ARHGAP17: variants seen among roughly 807,000 people sequenced by gnomAD.
ARHGAP17 encodes the protein rho GTPase-activating protein 17.
A neutral mutation model predicts 99.5 loss-of-function variants in ARHGAP17; 57 were observed. The observed-to-expected ratio is 0.57, with a 90% CI of 0.46 to 0.71. ARHGAP17 has a LOEUF of 0.71. Among genes scored for constraint, ARHGAP17 ranks in the 30% least tolerant of loss-of-function variants. ARHGAP17 has a pLI of 0.00. For missense variants in ARHGAP17, 1,000 were observed against 1,122.4 expected (o/e 0.89, Z 1.56); for synonymous variants, 417 against 429.6 (o/e 0.97, Z 0.36).
At chr16:24,997,095 T>G (rs2053215242) in intron 1 of ARHGAP17, among the ~76,000 whole-genome samples, 1 of 152,206 alleles carries the variant, frequency 6.6e-6, no homozygotes, top group Non-Finnish European at 1.5e-5. Flanking sequence ...AGGTGCCCAG[T>G]ACACATCCAG....
chr16:24,928,642 G>C (rs886218354), intron 19 of ARHGAP17, among the ~76,000 whole-genome samples: 9 of 152,132 alleles, frequency 5.9e-5, no homozygotes, highest in Non-Finnish European at 1.2e-4. Context: ...TTCCACTTAC[G>C]GTTCCTACAG....
At position 24,952,386 on chromosome 16, in the gene ARHGAP17, C is replaced by A. The variant is rs2051670267; in HGVS notation, c.965-16G>T. On this transcript the variant is annotated splice_polypyrimidine_tract_variant and intron_variant, in intron 11 of 19. Coordinates refer to ENST00000289968, the MANE Select transcript of ARHGAP17 (RefSeq NM_001006634.3). ...TTTAAAGCACCTGAAATCATTAACA[C>A]TCTCTTTGAGTATGAAAAAGGGGTA... 1.9e-6 allele frequency: 3 copies of A among 1,601,642 alleles called. No homozygotes were observed. Among genetic ancestry groups the A allele is most frequent in the Non-Finnish European group, 1.7e-6 (2 of 1,170,464 alleles).
In ARHGAP17 at chr16:24,947,497, C is replaced by A; in HGVS notation, c.1226G>T (p.Trp409Leu). Residue 409 changes from tryptophan to leucine, a missense_variant, in exon 14 of 20, where the codon TGG (tryptophan) becomes TTG (leucine). Trp to Leu is a moderately conservative substitution (Grantham distance 61). Around this residue, in one of 2 missense-constraint regions of ARHGAP17, gnomAD observed 472 missense variants for 611.1 expected, o/e 0.77. Transcript: ENST00000289968. ...GATGACTTACCCTTCATTTCTGGCC[C>A]ATAACAAGTTAGGGCCTAACACAAT... ...IAIVLGPNLL[W>L]ARNEGTLAEM... 1 of 1,613,410 alleles carries A rather than the reference C, an allele frequency of 6.2e-7. No homozygotes were observed. The highest frequency in any genetic ancestry group is 8.5e-7 in the Non-Finnish European group (1 of 1,179,868).
intron 7 of ARHGAP17, 148 bp from the exon 8 acceptor site, chr16:24,960,127 A>G: frequency 1.4e-6 from 1 of 700,058 alleles, no homozygotes; most frequent in South Asian, 1.8e-5. Context: ...ACAACCATAC[A>G]GAAAGAATAA....
At chr16:24,999,464 T>C (rs1007264257) in intron 1 of ARHGAP17, among the ~76,000 whole-genome samples, 5 of 152,162 alleles carry the variant, frequency 3.3e-5, no homozygotes, top group South Asian at 4.1e-4. Flanking sequence ...TCACCCAGGC[T>C]GGACTGCAGG....
At chr16:24,980,246 C>T (rs987370599) in intron 1 of ARHGAP17, among the ~76,000 whole-genome samples, 3 of 152,098 alleles carry the variant, frequency 2.0e-5, no homozygotes, top group Admixed American at 6.5e-5. Context: ...GGGAAAGAAG[C>T]GCACAGCTCC....
intron 1 of ARHGAP17, among the ~76,000 whole-genome samples, chr16:25,008,258 A>T (rs1482732794): frequency 2.6e-5 from 4 of 152,202 alleles, no homozygotes; most frequent in Admixed American, 6.5e-5. Flanking sequence ...AACTATGCAT[A>T]ATCTTCATGC....
chr16:24,985,189 C>T (rs760682697), intron 1 of ARHGAP17, among the ~76,000 whole-genome samples: 3 of 41,800 alleles, frequency 7.2e-5, no homozygotes, highest in African/African-American at 2.6e-4. Context: ...AATGCAACCC[C>T]ACACACACAC....
chr16:24,991,394 C>T (rs952419408), intron 1 of ARHGAP17, among the ~76,000 whole-genome samples: 2 of 152,178 alleles, frequency 1.3e-5, no homozygotes, highest in East Asian at 3.9e-4. Context: ...AATCCCAAGT[C>T]TTATCTAAGA....
At chr16:24,960,723 A>G (rs2051965882) in intron 7 of ARHGAP17, among the ~76,000 whole-genome samples, 1 of 147,632 alleles carries the variant, frequency 6.8e-6, no homozygotes, top group South Asian at 2.4e-4. Flanking sequence ...AGGCTGAGGC[A>G]GGAGAATGGT....
At chr16:24,981,588 A>T (rs2052675574) in intron 1 of ARHGAP17, among the ~76,000 whole-genome samples, 1 of 152,168 alleles carries the variant, frequency 6.6e-6, no homozygotes, top group African/African-American at 2.4e-5. Context: ...GTCACAATAA[A>T]CTGTTAATAT....
intron 16 of ARHGAP17, among the ~76,000 whole-genome samples, chr16:24,940,891 C>G (rs1190240844): frequency 1.3e-5 from 2 of 152,184 alleles, no homozygotes; most frequent in African/African-American, 4.8e-5. Context: ...ACTGGGTCAG[C>G]TGGCAGGGAG....
chr16:25,002,284 T>A (rs2053381601), intron 1 of ARHGAP17, among the ~76,000 whole-genome samples: 1 of 152,144 alleles, frequency 6.6e-6, no homozygotes, highest in Admixed American at 6.5e-5. Context: ...CTGAAGCTCC[T>A]CACCTCTTCC....
chr16:25,014,271 G>GAAT, intron 1 of ARHGAP17, among the ~76,000 whole-genome samples: 1 of 152,286 alleles, frequency 6.6e-6, no homozygotes, highest in East Asian at 1.9e-4. Context: ...TCTCTTTGCT[G>GAAT]AATAAACACT....
chr16:24,995,635 C>T (rs1406013876), intron 1 of ARHGAP17, among the ~76,000 whole-genome samples: 1 of 152,216 alleles, frequency 6.6e-6, no homozygotes, highest in African/African-American at 2.4e-5. Flanking sequence ...CGGCAATCCA[C>T]CACCAGGGTG....
At chr16:24,932,225 G>A (rs193275468) in intron 18 of ARHGAP17, among the ~76,000 whole-genome samples, 5 of 152,234 alleles carry the variant, frequency 3.3e-5, no homozygotes, top group Admixed American at 3.3e-4. Flanking sequence ...TGAGTAAGGG[G>A]CATATGGGAA....
At chr16:24,983,718 T>G (rs958708939) in intron 1 of ARHGAP17, among the ~76,000 whole-genome samples, 4 of 152,186 alleles carry the variant, frequency 2.6e-5, no homozygotes, top group African/African-American at 9.7e-5. Context: ...CACTTGAATG[T>G]TTCCTGTCTG....
At chr16:24,963,464 AC>A (rs1778862688) in intron 7 of ARHGAP17, among the ~76,000 whole-genome samples, 1 of 152,238 alleles carries the variant, frequency 6.6e-6, no homozygotes, top group Admixed American at 6.5e-5. Context: ...AAATAAAAAA[AC>A]AATTTTTTTA....
intron 1 of ARHGAP17, among the ~76,000 whole-genome samples, chr16:24,981,798 A>C (rs1290603902): frequency 6.6e-6 from 1 of 152,150 alleles, no homozygotes; most frequent in Non-Finnish European, 1.5e-5. Flanking sequence ...AAGTGTGCCT[A>C]ACTTAAAGAA....
Sources: allele counts gnomAD v4.1 joint callset (sites outside exome capture counted in the v4.1 genomes callset), GRCh38; gene constraint gnomAD v4.1.1; regional missense constraint gnomAD v4.1.1; transcripts MANE v1.5; gene names NCBI Gene and HGNC (gene_info 2026-07-23, HGNC 2026-07-21).